The following KCNH1 variants were observed in gnomAD, a reference collection of about 807,000 sequenced individuals.
KCNH1 encodes the protein voltage-gated delayed rectifier potassium channel KCNH1.
In KCNH1, 27 loss-of-function variants were observed where a neutral mutation model predicts 69.2. The ratio of observed to expected loss-of-function variants is 0.39; its 90% CI spans 0.29 to 0.54. KCNH1 has a LOEUF of 0.54. Ranked by LOEUF, KCNH1 falls within the 20% of genes least tolerant of loss-of-function variation. KCNH1 has a pLI of 0.68. For synonymous variants in KCNH1, 456 were observed against 487.7 expected (o/e 0.93, Z 0.86); for missense variants, 798 against 1,261.6 (o/e 0.63, Z 5.57).
chr1:211,104,332 G>A (rs1691316432), intron 2 of KCNH1, among the ~76,000 whole-genome samples: 1 of 152,076 alleles, frequency 6.6e-6, no homozygotes, highest in African/African-American at 2.4e-5. Flanking sequence ...TGGTAAAGAT[G>A]GCTGAGTAAG....
intron 10 of KCNH1, among the ~76,000 whole-genome samples, chr1:210,715,500 C>CTATT (rs958408926): frequency 1.4e-5 from 2 of 141,982 alleles, no homozygotes; most frequent in Non-Finnish European, 3.1e-5. Flanking sequence ...GACCCTGTTT[C>CTATT]TATTTTAAAA....
chr1:211,110,540 C>T (rs1401075383), intron 1 of KCNH1, among the ~76,000 whole-genome samples: 1 of 152,042 alleles, frequency 6.6e-6, no homozygotes, highest in East Asian at 1.9e-4. Context: ...ATAAGGTAAG[C>T]ACCTTATTAA....
intron 3 of KCNH1, among the ~76,000 whole-genome samples, chr1:211,102,950 T>A (rs573845923): frequency 6.6e-5 from 10 of 152,340 alleles, no homozygotes; most frequent in African/African-American, 2.4e-4. Context: ...GAAGAGCAAG[T>A]TTTATACTTC....
chr1:210,700,996 G>T (rs1423231509), intron 10 of KCNH1, among the ~76,000 whole-genome samples: 2 of 152,074 alleles, frequency 1.3e-5, no homozygotes, highest in Non-Finnish European at 2.9e-5. Context: ...GGAGTGCAGT[G>T]GCGCGATCTC....
At chr1:211,057,155 C>A (rs2102445964) in intron 5 of KCNH1, among the ~76,000 whole-genome samples, 1 of 152,244 alleles carries the variant, frequency 6.6e-6, no homozygotes, top group East Asian at 1.9e-4. Context: ...ATTTAGAATT[C>A]TATCAGATAA....
At chr1:211,114,547 A>G (rs914336020) in intron 1 of KCNH1, among the ~76,000 whole-genome samples, 1 of 152,226 alleles carries the variant, frequency 6.6e-6, no homozygotes, top group East Asian at 1.9e-4. Flanking sequence ...AGAAAATGGG[A>G]ATCTCCTGAA....
chr1:210,951,817 A>T (rs1447813141), intron 6 of KCNH1, among the ~76,000 whole-genome samples: 1 of 151,452 alleles, frequency 6.6e-6, no homozygotes, highest in Non-Finnish European at 1.5e-5. Flanking sequence ...AACTCAGGCC[A>T]TCTCTCCTTC....
At chr1:210,909,896 T>C (rs1324911948) in intron 7 of KCNH1, among the ~76,000 whole-genome samples, 2 of 152,236 alleles carry the variant, frequency 1.3e-5, no homozygotes, top group Non-Finnish European at 1.5e-5. Context: ...CTGAGTCATA[T>C]AATCCAGAAA....
intron 4 of KCNH1, among the ~76,000 whole-genome samples, chr1:211,088,875 G>A (rs1226403213): frequency 1.3e-5 from 2 of 152,184 alleles, no homozygotes; most frequent in Non-Finnish European, 2.9e-5. Context: ...GCAAAGAAAT[G>A]CATCATTGAG....
At chr1:210,999,620 T>C (rs896042151) in intron 6 of KCNH1, among the ~76,000 whole-genome samples, 19 of 152,188 alleles carry the variant, frequency 1.2e-4, no homozygotes, top group African/African-American at 3.9e-4. Context: ...TCTGAAACTA[T>C]TCCAATGTAA....
Position 210,809,568 on chromosome 1 carries a change from C to CA in KCNH1, c.1463-5403dup, listed in dbSNP as rs561436230. On this transcript the variant is annotated intron_variant, in intron 7 of 10. Transcript: ENST00000271751. ...GAGTTTCATGCTTCCCCATGGGACC[C>CA]ATGTTCAAAAAATGGCAGCATTAGC... Among the ~76,000 whole-genome samples, 12 of 152,224 alleles carry CA rather than the reference C, an allele frequency of 7.9e-5. No homozygotes were observed. The East Asian group carries it at 2.3e-3, about 29-fold the overall frequency.
At chr1:210,855,973 C>T (rs1574298620) in intron 7 of KCNH1, among the ~76,000 whole-genome samples, 2 of 152,250 alleles carry the variant, frequency 1.3e-5, no homozygotes, top group Admixed American at 1.3e-4. Context: ...TGGTCTCCTG[C>T]CCCAAGCAAT....
rs555451644 is a variant in KCNH1 at position 210,764,437 on chromosome 1, C to T, written c.2112+10911G>A. On this transcript the variant is annotated intron_variant, in intron 10 of 10. Transcript: ENST00000271751. ...ATGAACAGAGTAAACAGACAATCTA[C>T]TGGATGGGAGAAAATATTTACAAAC... is the stretch of plus-strand genomic sequence containing the variant. Among the ~76,000 whole-genome samples, 39 of 152,248 alleles carry T rather than the reference C, an allele frequency of 2.6e-4. 1 individual carries two copies. The South Asian group carries it at 7.9e-3, about 31-fold the overall frequency.
intron 10 of KCNH1, among the ~76,000 whole-genome samples, chr1:210,691,713 C>T (rs377060278): frequency 4.1e-4 from 62 of 152,298 alleles, no homozygotes; most frequent in African/African-American, 1.3e-3. Context: ...GCCAAGAAAC[C>T]GAGATTCCCA....
chr1:210,971,520 C>A (rs569119605), intron 6 of KCNH1, among the ~76,000 whole-genome samples: 4 of 152,110 alleles, frequency 2.6e-5, no homozygotes, highest in Non-Finnish European at 5.9e-5. Flanking sequence ...ACATTACCTC[C>A]TATTTTACTG....
chr1:210,680,356 T>C lies in KCNH1; in HGVS notation c.*2925A>G, dbSNP rs1681235653. The C allele has an allele frequency of 7.7e-6, 1 of 129,914 alleles. No homozygotes were observed. Among genetic ancestry groups the C allele is most frequent in the Non-Finnish European group, 1.8e-5 (1 of 54,350 alleles). The allele number at this position is 129,914 out of a possible 1,614,324, so 8.0% of individuals were successfully genotyped here. Reference sequence around the variant, plus strand: ...ATAACCAGCACTTACTAGATAATGGTGCCACATATCATGCCCCGACTCCTC... The same window carrying C: ...ATAACCAGCACTTACTAGATAATGGCGCCACATATCATGCCCCGACTCCTC... On this transcript the variant is annotated 3_prime_UTR_variant, in exon 11 of 11. Coordinates refer to ENST00000271751, the MANE Select transcript of KCNH1 (RefSeq NM_172362.3).
chr1:210,761,332 G>A (rs547557275), intron 10 of KCNH1, among the ~76,000 whole-genome samples: 229 of 146,628 alleles, frequency 1.6e-3, no homozygotes, highest in Non-Finnish European at 2.9e-3. Context: ...ATTGAGACTA[G>A]TCAACTAGTT....
chr1:210,964,945 A>G (rs985964828), intron 6 of KCNH1, among the ~76,000 whole-genome samples: 3 of 152,194 alleles, frequency 2.0e-5, no homozygotes, highest in Non-Finnish European at 4.4e-5. Context: ...GGCTGGTTCA[A>G]TATACACAAT....
Position 210,775,425 on chromosome 1 carries a change from T to G in KCNH1, c.2035A>C (p.Lys679Gln). ...AAGGCCGTGTAGAATTCCAGCACTTTCTGCAGGGCATCCCGCTTGATCACA... is the reference window on the plus strand; with the variant it reads ...AAGGCCGTGTAGAATTCCAGCACTTGCTGCAGGGCATCCCGCTTGATCACA... Reference protein sequence around the residue: ...LHVIKRDALQKVLEFYTAFSH... With the variant: ...LHVIKRDALQQVLEFYTAFSH... The change falls in exon 10 of 11, where the codon AAA becomes CAA. Residue 679 changes from lysine to glutamine, a missense_variant. Physicochemically the swap from Lys to Gln is moderately conservative, Grantham distance 53. Around this residue, in one of 4 missense-constraint regions of KCNH1, gnomAD observed 197 missense variants for 407.7 expected, o/e 0.48. Transcript: ENST00000271751. 6.2e-7 allele frequency: 1 copy of G among 1,614,136 alleles called. No individual in the cohort carries two copies. The highest frequency in any genetic ancestry group is 8.5e-7 in the Non-Finnish European group (1 of 1,179,986).
Sources: gnomAD v4.1 joint callset for allele counts (sites outside exome capture counted in the v4.1 genomes callset) on GRCh38, gnomAD v4.1.1 for gene constraint, gnomAD v4.1.1 regional missense constraint, MANE v1.5 for transcripts, NCBI Gene and HGNC (gene_info 2026-07-23, HGNC 2026-07-21) for gene names.